The following SUCLG2 variants were observed in gnomAD, a reference collection of about 807,000 sequenced individuals.
SUCLG2 encodes the protein succinate-CoA ligase GDP-forming subunit beta.
A neutral mutation model predicts 47.9 loss-of-function variants in SUCLG2; 42 were observed. The ratio of observed to expected loss-of-function variants is 0.88; its 90% confidence interval spans 0.69 to 1.14. The LOEUF is 1.14. Ranked by LOEUF, SUCLG2 falls within the 50% of genes most tolerant of loss-of-function variation. SUCLG2 has a pLI of 0.00. For missense variants in SUCLG2, 571 were observed against 525.9 expected, an observed-to-expected ratio of 1.09 and a Z score of -0.84; for synonymous variants, 195 against 197.3, an observed-to-expected ratio of 0.99 and a Z score of 0.10.
chr3:67,392,135 G>T (rs1039093410), intron 10 of SUCLG2, among the ~76,000 whole-genome samples: 1 of 152,046 alleles, frequency 6.6e-6, no homozygotes, highest in African/African-American at 2.4e-5. Context: ...TGCCTCACCA[G>T]TGCCCACTCA....
At chr3:67,528,385 A>G (rs1706312180) in intron 3 of SUCLG2, among the ~76,000 whole-genome samples, 163 bp from the exon 4 acceptor site, 1 of 152,218 alleles carries the variant, frequency 6.6e-6, no homozygotes, top group South Asian at 2.1e-4. Flanking sequence ...GCACTGTACT[A>G]GAGGCTCACT....
intron 2 of SUCLG2, among the ~76,000 whole-genome samples, chr3:67,533,001 C>T (rs1706443133): frequency 6.6e-6 from 1 of 152,076 alleles, no homozygotes; most frequent in African/African-American, 2.4e-5. Flanking sequence ...TTAAGAAAAG[C>T]ATAATCTAAA....
At chr3:67,595,143 T>C (rs973139559) in intron 2 of SUCLG2, among the ~76,000 whole-genome samples, 3 of 151,042 alleles carry the variant, frequency 2.0e-5, no homozygotes, top group Non-Finnish European at 3.0e-5. Flanking sequence ...TCCATACTAC[T>C]GGTCATGTGG....
At chr3:67,528,859 A>G (rs571573020) in intron 3 of SUCLG2, among the ~76,000 whole-genome samples, 55 of 152,222 alleles carry the variant, frequency 3.6e-4, no homozygotes, top group African/African-American at 1.2e-3. Context: ...ATTGTTTAGG[A>G]CAGAAGGACT....
chr3:67,376,168 G>A, intron 10 of SUCLG2: 2 of 917,544 alleles, frequency 2.2e-6, no homozygotes, highest in Non-Finnish European at 2.5e-6. Flanking sequence ...GCCCACACCA[G>A]AAGTCACTTG....
At chr3:67,647,189 C>G (rs1234253306) in intron 1 of SUCLG2, among the ~76,000 whole-genome samples, 2 of 152,178 alleles carry the variant, frequency 1.3e-5, no homozygotes, top group East Asian at 3.8e-4. Flanking sequence ...CCACAGGACC[C>G]AAACTTACAC....
intron 2 of SUCLG2, among the ~76,000 whole-genome samples, chr3:67,542,157 A>G (rs1018080912): frequency 6.6e-6 from 1 of 152,170 alleles, no homozygotes; most frequent in Non-Finnish European, 1.5e-5. Flanking sequence ...TACAGGCGTG[A>G]GCCACCATGC....
At chr3:67,562,596 T>C (rs1707336444) in intron 2 of SUCLG2, among the ~76,000 whole-genome samples, 1 of 152,206 alleles carries the variant, frequency 6.6e-6, no homozygotes, top group Admixed American at 6.5e-5. Context: ...AGATTTTATT[T>C]GGCAAAACAT....
chr3:67,651,463 T>C (rs185055237), intron 1 of SUCLG2, among the ~76,000 whole-genome samples: 12 of 152,224 alleles, frequency 7.9e-5, no homozygotes, highest in Admixed American at 5.9e-4. Flanking sequence ...TCAGCTCATA[T>C]GTCAAAAAGG....
intron 9 of SUCLG2, among the ~76,000 whole-genome samples, chr3:67,409,970 C>T (rs1702898481): frequency 6.6e-6 from 1 of 152,090 alleles, no homozygotes; most frequent in African/African-American, 2.4e-5. Flanking sequence ...AGTATTAGAC[C>T]TAAGTAATGC....
chr3:67,625,417 A>C (rs900074382), intron 1 of SUCLG2, among the ~76,000 whole-genome samples: 3 of 152,192 alleles, frequency 2.0e-5, no homozygotes, highest in Non-Finnish European at 2.9e-5. Context: ...AAGCAACACC[A>C]GGGAGGTGAG....
chr3:67,521,038 T>C (rs926571650), intron 4 of SUCLG2, among the ~76,000 whole-genome samples: 3 of 152,226 alleles, frequency 2.0e-5, no homozygotes, highest in African/African-American at 7.2e-5. Flanking sequence ...CCAAGCATGA[T>C]TGCCACAGAC....
chr3:67,502,780 C>T (rs1705533176), intron 7 of SUCLG2, among the ~76,000 whole-genome samples: 1 of 152,078 alleles, frequency 6.6e-6, no homozygotes, highest in Non-Finnish European at 1.5e-5. Context: ...TACAGGTTAC[C>T]CATGGTTTTC....
intron 9 of SUCLG2, among the ~76,000 whole-genome samples, chr3:67,406,609 G>A (rs62256378): frequency 0.054 from 8,201 of 152,248 alleles, 290 homozygotes; most frequent in Middle Eastern, 0.13. Context: ...ACAGAAAAGA[G>A]TGTGGTGCAT....
intron 10 of SUCLG2, among the ~76,000 whole-genome samples, chr3:67,382,837 G>A (rs933089387): frequency 6.6e-5 from 10 of 152,122 alleles, no homozygotes; most frequent in South Asian, 2.1e-4. Context: ...CCCACTGGGA[G>A]AGGGGAATTC....
At chr3:67,510,341 G>C (rs1705752931) in intron 6 of SUCLG2, among the ~76,000 whole-genome samples, 1 of 152,170 alleles carries the variant, frequency 6.6e-6, no homozygotes, top group South Asian at 2.1e-4. Flanking sequence ...AGGGCTAGTA[G>C]ATATAAACGA....
chr3:67,630,345 G>A (rs1271518241), intron 1 of SUCLG2, among the ~76,000 whole-genome samples: 1 of 152,204 alleles, frequency 6.6e-6, no homozygotes. Flanking sequence ...CTATTATATA[G>A]AAGATTAAAT....
intron 10 of SUCLG2, among the ~76,000 whole-genome samples, chr3:67,392,617 G>A (rs192337968): frequency 9.2e-5 from 14 of 152,158 alleles, no homozygotes; most frequent in Middle Eastern, 3.4e-3. Flanking sequence ...TAGAGAAAAC[G>A]TCCTAATACA....
chr3:67,393,586 G>T (rs962197095), intron 10 of SUCLG2, among the ~76,000 whole-genome samples: 2 of 152,212 alleles, frequency 1.3e-5, no homozygotes, highest in African/African-American at 2.4e-5. Flanking sequence ...CTCCACCTTT[G>T]GGGGCAGGGC....
Sources: allele counts gnomAD v4.1 joint callset (sites outside exome capture counted in the v4.1 genomes callset), GRCh38; gene constraint gnomAD v4.1.1; transcripts MANE v1.5; gene names NCBI Gene and HGNC (gene_info 2026-07-23, HGNC 2026-07-21).